BEND6: variants seen among roughly 807,000 people sequenced by gnomAD.
The protein encoded by BEND6 is BEN domain-containing protein 6.
BEND6 carries 24 observed loss-of-function variants against 31.8 expected under a neutral mutation model. The ratio of observed to expected loss-of-function variants is 0.75; its 90% CI spans 0.55 to 1.06. The LOEUF (loss-of-function observed/expected upper bound fraction) is 1.06. Ranked by LOEUF, BEND6 falls within the 50% of genes least tolerant of loss-of-function variation. The probability of loss-of-function intolerance (pLI) is 0.00; values close to 1 mark genes in which losing one functional copy is unlikely to be tolerated. For synonymous variants in BEND6, 109 were observed against 114.6 expected, an observed-to-expected ratio of 0.95 and a Z score of 0.31; for missense variants, 294 against 327.4, an observed-to-expected ratio of 0.90 and a Z score of 0.79.
intron 1 of BEND6, among the ~76,000 whole-genome samples, chr6:56,965,603 A>C (rs1219195836): frequency 6.6e-6 from 1 of 151,142 alleles, no homozygotes; most frequent in Non-Finnish European, 1.5e-5. Flanking sequence ...TCAAGGCTGC[A>C]GTAAGCCTTG....
At chr6:57,011,594 C>T (rs1320120342) in intron 3 of BEND6, among the ~76,000 whole-genome samples, 4 of 150,352 alleles carry the variant, frequency 2.7e-5, no homozygotes, top group Non-Finnish European at 5.9e-5. Context: ...GGTGCACACC[C>T]GTAGACCCAG....
At chr6:57,012,500 C>T (rs1216593730) in intron 3 of BEND6, among the ~76,000 whole-genome samples, 1 of 152,100 alleles carries the variant, frequency 6.6e-6, no homozygotes, top group Non-Finnish European at 1.5e-5. Flanking sequence ...TTTAAATGGG[C>T]GCACCCATTT....
At chr6:56,978,444 A>G (rs1825964297) in intron 1 of BEND6, among the ~76,000 whole-genome samples, 1 of 152,312 alleles carries the variant, frequency 6.6e-6, no homozygotes. Flanking sequence ...CTCCTCACCC[A>G]TAAGAAATCA....
In BEND6 at chr6:57,017,189, T is replaced by C. The variant is rs1827592107; in HGVS notation, c.520-18T>C. ...AGCACTTTCTTTTTCCAACTTCAAC[T>C]CTTTCTTATCTTTTTAGTTCCAGAT... On this transcript the variant is annotated intron_variant, in intron 4 of 6. Transcript: ENST00000370746. 3.2e-6 allele frequency: 5 copies of C among 1,558,434 alleles called. No homozygotes were observed. Among genetic ancestry groups the C allele is most frequent in the Non-Finnish European group, 4.3e-6 (5 of 1,154,026 alleles).
chr6:57,014,319 A>G, intron 3 of BEND6: 1 of 448,060 alleles, frequency 2.2e-6, no homozygotes, highest in Non-Finnish European at 4.0e-6. Context: ...GTAGCTCAAT[A>G]ATATGCTTAA....
At chr6:57,013,597 A>C (rs905687041) in intron 3 of BEND6, among the ~76,000 whole-genome samples, 1 of 152,180 alleles carries the variant, frequency 6.6e-6, no homozygotes, top group African/African-American at 2.4e-5. Context: ...ACTTGGCCCC[A>C]CCGTGAGTCA....
intron 3 of BEND6, among the ~76,000 whole-genome samples, chr6:56,998,712 T>G (rs79001808): frequency 3.8e-4 from 1 of 2,626 alleles, no homozygotes; most frequent in Non-Finnish European, 0.1. Flanking sequence ...TGGGAAAGGA[T>G]TTTTTTTTAA....
At chr6:56,961,055 TTG>T (rs1349340518) in intron 1 of BEND6, among the ~76,000 whole-genome samples, 3 of 152,188 alleles carry the variant, frequency 2.0e-5, no homozygotes, top group African/African-American at 7.2e-5. Flanking sequence ...ATGTAAAAAC[TTG>T]TGTCTCATTT....
At chr6:56,998,855 C>A (rs974363738) in intron 3 of BEND6, among the ~76,000 whole-genome samples, 4 of 152,030 alleles carry the variant, frequency 2.6e-5, no homozygotes, top group African/African-American at 4.8e-5. Flanking sequence ...GAAGAGACAA[C>A]CTCTGAAATG....
At chr6:57,007,250 T>C (rs1827190669) in intron 3 of BEND6, among the ~76,000 whole-genome samples, 1 of 151,200 alleles carries the variant, frequency 6.6e-6, no homozygotes, top group South Asian at 2.1e-4. Context: ...ATCACACCAC[T>C]GCACTCCAGC....
intron 3 of BEND6, among the ~76,000 whole-genome samples, chr6:56,994,563 C>T (rs1324869770): frequency 7.3e-5 from 11 of 150,980 alleles, no homozygotes; most frequent in African/African-American, 2.7e-4. Context: ...TTTCACTGTG[C>T]CCTTATCCCC....
chr6:56,961,468 G>A (rs1472919354), intron 1 of BEND6, among the ~76,000 whole-genome samples: 1 of 152,096 alleles, frequency 6.6e-6, no homozygotes, highest in Admixed American at 6.6e-5. Context: ...AACCCTAAGA[G>A]GAGAAAAGAC....
chr6:56,988,696 G>A (rs1332112644), intron 2 of BEND6, among the ~76,000 whole-genome samples: 1 of 152,080 alleles, frequency 6.6e-6, no homozygotes, highest in Non-Finnish European at 1.5e-5. Flanking sequence ...TCATTCTAGA[G>A]GTAATCGTAT....
chr6:57,011,094 A>T (rs1827326375), intron 3 of BEND6: 2 of 156,892 alleles, frequency 1.3e-5, no homozygotes, highest in Non-Finnish European at 2.8e-5. Flanking sequence ...GATAGAAGAA[A>T]TTCTAATAAT....
chr6:56,965,074 G>A (rs1825421361), intron 1 of BEND6, among the ~76,000 whole-genome samples: 7 of 152,184 alleles, frequency 4.6e-5, no homozygotes, highest in Admixed American at 3.3e-4. Context: ...TTTTGATTAC[G>A]AGTTTATTGA....
At chr6:57,018,629 A>AT in intron 6 of BEND6, 72 bp downstream of exon 6, 1 of 1,312,460 alleles carries the variant, frequency 7.6e-7, no homozygotes, top group Non-Finnish European at 9.9e-7. Flanking sequence ...TTATTGGAAT[A>AT]GCATTTTCCA....
intron 1 of BEND6, among the ~76,000 whole-genome samples, chr6:56,977,638 A>G (rs1484924259): frequency 6.6e-6 from 1 of 152,224 alleles, no homozygotes; most frequent in African/African-American, 2.4e-5. Context: ...AACAGCATTC[A>G]CAAACCAAGC....
intron 3 of BEND6, among the ~76,000 whole-genome samples, chr6:56,998,487 A>G (rs1462074055): frequency 1.3e-5 from 2 of 152,222 alleles, no homozygotes; most frequent in African/African-American, 4.8e-5. Flanking sequence ...TATCTGTTGT[A>G]TAGAAAGGTA....
Position 56,981,939 on chromosome 6 carries a change from T to G in BEND6, c.120+9T>G, listed in dbSNP as rs1826087398. ...ACATGGATAAAGGACAGGTTGGTTT[T>G]TTGTTACCTTGACTCAACTTTGTTA... On this transcript the variant is annotated intron_variant, in intron 2 of 6. Transcript: ENST00000370746. 4.4e-6 allele frequency: 7 copies of G among 1,600,612 alleles called. No individual in the cohort carries two copies. The highest frequency in any genetic ancestry group is 5.1e-6 in the Non-Finnish European group (6 of 1,175,684).
Sources: gnomAD v4.1 joint callset for allele counts (sites outside exome capture counted in the v4.1 genomes callset) on GRCh38, gnomAD v4.1.1 for gene constraint, MANE v1.5 for transcripts, NCBI Gene and HGNC (gene_info 2026-07-23, HGNC 2026-07-21) for gene names.